GAS2: variants seen among roughly 807,000 people sequenced by gnomAD.
GAS2 encodes growth arrest-specific protein 2.
GAS2 carries 20 observed loss-of-function variants against 37.5 expected under a neutral mutation model. The ratio of observed to expected loss-of-function variants is 0.53; its 90% CI spans 0.37 to 0.77. The LOEUF (loss-of-function observed/expected upper bound fraction) is 0.77. Ranked by LOEUF, GAS2 falls within the 30% of genes least tolerant of loss-of-function variation. The pLI is 0.00. For synonymous variants in GAS2, 144 were observed against 132.2 expected (o/e 1.09, Z -0.61); for missense variants, 336 against 373.4 (o/e 0.90, Z 0.82).
At chr11:22,778,517 AG>A (rs1855381528) in intron 7 of GAS2, among the ~76,000 whole-genome samples, 2 of 152,266 alleles carry the variant, frequency 1.3e-5, no homozygotes, top group South Asian at 2.1e-4. Flanking sequence ...GGCCTCTCCA[AG>A]GAAGTGATAT....
chr11:22,739,572 C>CAAAAAAAAAAAAAAA (rs71037525), intron 5 of GAS2, among the ~76,000 whole-genome samples: 1 of 64,650 alleles, frequency 1.5e-5, no homozygotes, highest in Non-Finnish European at 3.0e-5. Flanking sequence ...GATTCGCTCT[C>CAAAAAAAAAAAAAAA]AAAAAAAAAA....
chr11:22,673,417 TATC>T (rs1849283875), intron 1 of GAS2, among the ~76,000 whole-genome samples: 2 of 152,230 alleles, frequency 1.3e-5, no homozygotes, highest in Non-Finnish European at 1.5e-5. Flanking sequence ...AACCTCATGA[TATC>T]ATATAAACAT....
chr11:22,785,817 A>G (rs939211955), intron 7 of GAS2, among the ~76,000 whole-genome samples: 1 of 151,522 alleles, frequency 6.6e-6, no homozygotes, highest in African/African-American at 2.4e-5. Flanking sequence ...CAAAAACTGT[A>G]AACATAGATA....
intron 7 of GAS2, among the ~76,000 whole-genome samples, chr11:22,775,392 G>C (rs993195508): frequency 1.3e-5 from 2 of 152,006 alleles, no homozygotes; most frequent in East Asian, 1.9e-4. Flanking sequence ...CTTGTGTCTT[G>C]GTTATTTAAA....
chr11:22,663,741 G>A (rs1848942919), upstream of GAS2, among the ~76,000 whole-genome samples: 1 of 152,092 alleles, frequency 6.6e-6, no homozygotes, highest in South Asian at 2.1e-4. Context: ...GTGGTGAAAA[G>A]TAATAGCATT....
chr11:22,655,214 A>G (rs1417385704), intron 1 of GAS2, among the ~76,000 whole-genome samples: 5 of 152,268 alleles, frequency 3.3e-5, no homozygotes, highest in East Asian at 3.9e-4. Context: ...CTTGCCGCCT[A>G]CGCTGATTCC....
chr11:22,727,553 T>A (rs1852274907), intron 4 of GAS2, among the ~76,000 whole-genome samples: 1 of 151,964 alleles, frequency 6.6e-6, no homozygotes, highest in Non-Finnish European at 1.5e-5. Flanking sequence ...ACCATCAAAT[T>A]TTTGAAAATT....
intron 7 of GAS2, among the ~76,000 whole-genome samples, chr11:22,802,387 A>G (rs932768012): frequency 6.6e-6 from 1 of 151,882 alleles, no homozygotes; most frequent in Non-Finnish European, 1.5e-5. Flanking sequence ...CAGCACACCA[A>G]CATGGCACAT....
chr11:22,629,068 C>T (rs997306851), intron 1 of GAS2, among the ~76,000 whole-genome samples: 2 of 151,862 alleles, frequency 1.3e-5, no homozygotes, highest in South Asian at 2.1e-4. Context: ...ATCCACTTTT[C>T]AATTGATGGG....
intron 7 of GAS2, among the ~76,000 whole-genome samples, chr11:22,771,416 A>G (rs912915476): frequency 6.6e-6 from 1 of 152,246 alleles, no homozygotes; most frequent in Admixed American, 6.5e-5. Flanking sequence ...TCCCATTTGT[A>G]GTTTAATGCA....
chr11:22,735,224 C>CTTTTTTTTTTTTTTTTT (rs397750049), intron 4 of GAS2, among the ~76,000 whole-genome samples: 6 of 109,210 alleles, frequency 5.5e-5, no homozygotes, highest in African/African-American at 3.7e-5. Flanking sequence ...ACCAATCATT[C>CTTTTTTTTTTTTTTTTT]TTTTTTTTTT....
chr11:22,776,729 G>C (rs1338855104), intron 7 of GAS2, among the ~76,000 whole-genome samples: 4 of 152,126 alleles, frequency 2.6e-5, no homozygotes, highest in African/African-American at 9.7e-5. Context: ...GTTGAAGAGA[G>C]TTTCAGAAAA....
At chr11:22,810,848 G>T (rs547853570) in intron 7 of GAS2, among the ~76,000 whole-genome samples, 1 of 152,102 alleles carries the variant, frequency 6.6e-6, no homozygotes, top group South Asian at 2.1e-4. Flanking sequence ...CGCCAAGTAA[G>T]AAGAATTGAA....
In GAS2 at chr11:22,778,247, T is replaced by G. The variant is rs996716473; in HGVS notation, c.723+22294T>G. Among the ~76,000 whole-genome samples the G allele has an allele frequency of 4.6e-5, 7 of 152,320 alleles. No individual in the cohort carries two copies. The East Asian group carries it at 1.3e-3, about 29-fold the overall frequency. ...TGTGACTCATCTATAATGTGAATTA[T>G]AATGCTACTCAGTTTTAGAGGGCTG... is the stretch of plus-strand genomic sequence containing the variant. On this transcript the variant is annotated intron_variant, in intron 7 of 7. Coordinates refer to ENST00000454584, the MANE Select transcript of GAS2 (RefSeq NM_001143830.3).
At chr11:22,732,502 C>G (rs1054909675) in intron 4 of GAS2, among the ~76,000 whole-genome samples, 1 of 151,632 alleles carries the variant, frequency 6.6e-6, no homozygotes, top group Non-Finnish European at 1.5e-5. Context: ...TGAGATTCTT[C>G]TTTGTTTGCT....
chr11:22,637,168 AT>A (rs1247267010), intron 1 of GAS2, among the ~76,000 whole-genome samples: 2 of 125,110 alleles, frequency 1.6e-5, no homozygotes. Flanking sequence ...TTAATATTAT[AT>A]TAATATATTA....
intron 7 of GAS2, among the ~76,000 whole-genome samples, chr11:22,795,715 G>T (rs903958361): frequency 8.5e-5 from 13 of 152,100 alleles, no homozygotes; most frequent in Admixed American, 3.3e-4. Flanking sequence ...TAGCTCTGTA[G>T]TTTACACCCA....
chr11:22,771,686 A>G lies in GAS2; in HGVS notation c.723+15733A>G, dbSNP rs147120710. On this transcript the variant is annotated intron_variant, in intron 7 of 7. Coordinates refer to ENST00000454584, the MANE Select transcript of GAS2 (RefSeq NM_001143830.3). ...TGTTATACATAAATGCAAAATAATT[A>G]TAAGAGAAACCCCATATTATAAATT... Among the ~76,000 whole-genome samples, 70 of 152,340 alleles carry G rather than the reference A, an allele frequency of 4.6e-4. 1 individual carries two copies. In the East Asian group the frequency reaches 0.013, roughly 27 times the overall value.
intron 6 of GAS2, 73 bp downstream of exon 6, chr11:22,749,334 T>C (rs1207210497): frequency 7.4e-7 from 1 of 1,342,354 alleles, no homozygotes; most frequent in African/African-American, 1.5e-5. Flanking sequence ...CTGTGCAATC[T>C]CGTATCAGTC....
Sources: allele counts gnomAD v4.1 joint callset (sites outside exome capture counted in the v4.1 genomes callset), GRCh38; gene constraint gnomAD v4.1.1; transcripts MANE v1.5; gene names NCBI Gene and HGNC (gene_info 2026-07-23, HGNC 2026-07-21).